The following TOMM20 variants were observed in gnomAD, a reference collection of about 807,000 sequenced individuals.
TOMM20 encodes translocase of outer mitochondrial membrane 20.
A neutral mutation model predicts 22.1 loss-of-function variants in TOMM20; 10 were observed. The ratio of observed to expected loss-of-function variants is 0.45; its 90% CI spans 0.28 to 0.77. The LOEUF (loss-of-function observed/expected upper bound fraction) is 0.77, where lower values mean the gene tolerates loss of function less well. Among genes scored for constraint, TOMM20 ranks in the 30% least tolerant of loss-of-function variants. The pLI, the probability that TOMM20 is intolerant of heterozygous loss-of-function variation, is 0.13. For missense variants in TOMM20, 121 were observed against 172.2 expected (o/e 0.70, Z 1.66); for synonymous variants, 55 against 61.4 (o/e 0.90, Z 0.49).
rs1660715091 is a variant in TOMM20, at chr1:235,110,102, G to C, written c.*1962C>G. 6.6e-6 allele frequency: 1 copy of C among 152,158 alleles called. No homozygotes were observed. The highest frequency in any genetic ancestry group is 2.4e-5 in the African/African-American group (1 of 41,446). 9.4% of individuals were successfully genotyped at this position (152,158 alleles called of 1,614,324 possible). A position where few individuals can be genotyped will look rare whatever the true frequency, so the allele number is the denominator to read the frequency against. On this transcript the variant is annotated 3_prime_UTR_variant, in exon 5 of 5. Transcript: ENST00000366607. ...AATAAGAAAACGTACTTGGGTTAAT[G>C]AACTGTAAAATGAAGATACCAACGC...
rs556856972 is a variant in TOMM20 at position 235,115,559 on chromosome 1, G to A, written c.251-1649C>T. Reference sequence around the variant, plus strand: ...GGAGAATTGCTTGAACCCGGGAGGCGAAGCTTGCAGTGAGCCAAGATCGCA... The same window carrying A: ...GGAGAATTGCTTGAACCCGGGAGGCAAAGCTTGCAGTGAGCCAAGATCGCA... On this transcript the variant is annotated intron_variant, in intron 3 of 4. Transcript: ENST00000366607. Among the ~76,000 whole-genome samples, 5 of 152,202 alleles carry A rather than the reference G, an allele frequency of 3.3e-5. No homozygotes were observed. In the East Asian group the frequency reaches 5.8e-4, roughly 18 times the overall value.
At chr1:235,117,374 C>T (rs956576077) in intron 3 of TOMM20, among the ~76,000 whole-genome samples, 2 of 151,042 alleles carry the variant, frequency 1.3e-5, no homozygotes, top group African/African-American at 4.9e-5. Context: ...AGGAGAATCG[C>T]TTGAACCCGG....
intron 3 of TOMM20, among the ~76,000 whole-genome samples, chr1:235,116,875 C>T (rs1023095491): frequency 6.6e-5 from 10 of 152,114 alleles, no homozygotes; most frequent in Admixed American, 5.9e-4. Flanking sequence ...CTGGCTCAAG[C>T]CTGTAATCCC....
chr1:235,122,105 T>C (rs116682073), intron 2 of TOMM20, among the ~76,000 whole-genome samples: 1,728 of 152,298 alleles, frequency 0.011, 30 homozygotes, highest in African/African-American at 0.036. Context: ...AGTAAGCTGT[T>C]TGTTGTTATG....
intron 1 of TOMM20, among the ~76,000 whole-genome samples, chr1:235,127,577 C>T (rs1283803689): frequency 1.3e-5 from 2 of 152,208 alleles, no homozygotes; most frequent in Non-Finnish European, 2.9e-5. Context: ...ACCACTGTTA[C>T]TTAAGTAAAC....
At chr1:235,123,386 G>T (rs1004558936) in intron 1 of TOMM20, among the ~76,000 whole-genome samples, 11 of 152,194 alleles carry the variant, frequency 7.2e-5, no homozygotes, top group Non-Finnish European at 1.5e-4. Flanking sequence ...TCAGGAGGCT[G>T]AGGCAGGAGA....
chr1:235,114,263 G>A (rs1000069858), intron 3 of TOMM20, among the ~76,000 whole-genome samples: 61 of 152,218 alleles, frequency 4.0e-4, no homozygotes, highest in African/African-American at 1.3e-3. Flanking sequence ...ACTGGGGACT[G>A]GGGTAGAAAG....
intron 1 of TOMM20, among the ~76,000 whole-genome samples, chr1:235,124,333 T>C (rs1660978314): frequency 6.6e-6 from 1 of 152,122 alleles, no homozygotes; most frequent in Non-Finnish European, 1.5e-5. Flanking sequence ...GGCCACAGAG[T>C]GAGACTCCGT....
intron 3 of TOMM20, among the ~76,000 whole-genome samples, chr1:235,116,354 C>T (rs1196825385): frequency 2.6e-5 from 4 of 151,694 alleles, no homozygotes; most frequent in Non-Finnish European, 4.4e-5. Flanking sequence ...TCCTGGCCAA[C>T]ATGGTGAAAC....
chr1:235,113,931 T>C, intron 3 of TOMM20, 21 bp from the exon 4 acceptor site: 2 of 1,550,946 alleles, frequency 1.3e-6, no homozygotes, highest in Non-Finnish European at 1.7e-6. Flanking sequence ...TACATAAAAT[T>C]ACATGTAACC....
intron 3 of TOMM20, among the ~76,000 whole-genome samples, chr1:235,118,339 C>A (rs1394981178): frequency 6.6e-6 from 1 of 152,138 alleles, no homozygotes; most frequent in Non-Finnish European, 1.5e-5. Flanking sequence ...CAGTGTTATG[C>A]GATGCAAGGA....
chr1:235,116,115 T>C (rs1022279349), intron 3 of TOMM20, among the ~76,000 whole-genome samples: 1 of 152,182 alleles, frequency 6.6e-6, no homozygotes, highest in East Asian at 1.9e-4. Flanking sequence ...GTAAAGTAAA[T>C]CTCAGAAATG....
chr1:235,110,971 G>GTT lies in TOMM20; in HGVS notation c.*1091_*1092dup, dbSNP rs1467505182. The GTT allele has an allele frequency of 2.0e-5, 3 of 152,132 alleles. No homozygotes were observed. Among genetic ancestry groups the GTT allele is most frequent in the African/African-American group, 7.2e-5 (3 of 41,414 alleles). 9.4% of individuals were successfully genotyped at this position (152,132 alleles called of 1,614,324 possible). On this transcript the variant is annotated 3_prime_UTR_variant, in exon 5 of 5. Coordinates refer to ENST00000366607, the MANE Select transcript of TOMM20 (RefSeq NM_014765.3). ...CACAAGGTTGCAACTTACTCTCATC[G>GTT]TTTCACAAGATAATCAAGTTGAAGC...
In TOMM20 at chr1:235,109,949, T is replaced by C. The variant is rs1211717035; in HGVS notation, c.*2115A>G. ...GCTGATTACATCACCTTGTAAAACTTAAGATGGGGATGAATAGTGTTTGGC... is the reference window on the plus strand; with the variant it reads ...GCTGATTACATCACCTTGTAAAACTCAAGATGGGGATGAATAGTGTTTGGC... On this transcript the variant is annotated 3_prime_UTR_variant, in exon 5 of 5. Transcript: ENST00000366607. 4 of 152,116 alleles carry C rather than the reference T, an allele frequency of 2.6e-5. No homozygotes were observed. The highest frequency in any genetic ancestry group is 9.7e-5 in the African/African-American group (4 of 41,418). The allele number at this position is 152,116 out of a possible 1,614,324, so 9.4% of individuals were successfully genotyped here.
In TOMM20 at chr1:235,112,618, C is replaced by T. The variant is rs1188139447; in HGVS notation, c.394-510G>A. ...ATTATAGGGCATGAGACACTGTGTA[C>T]AGCCATCATTACATAATATTACATC... is the stretch of plus-strand genomic sequence containing the variant. On this transcript the variant is annotated intron_variant, in intron 4 of 4. Transcript: ENST00000366607. Among the ~76,000 whole-genome samples the T allele has an allele frequency of 3.3e-5, 5 of 152,250 alleles. No homozygotes were observed. The South Asian group carries it at 1.0e-3, about 32-fold the overall frequency.
At chr1:235,128,539 T>G in intron 1 of TOMM20, 56 bp downstream of exon 1, 1 of 1,610,100 alleles carries the variant, frequency 6.2e-7, no homozygotes. Flanking sequence ...ACCCCTCCTG[T>G]GAAGGGCGGC....
intron 3 of TOMM20, among the ~76,000 whole-genome samples, chr1:235,117,382 C>T (rs534817151): frequency 2.7e-5 from 4 of 148,968 alleles, no homozygotes; most frequent in Non-Finnish European, 4.5e-5. Flanking sequence ...CGCTTGAACC[C>T]GGGAGGCAGA....
intron 1 of TOMM20, among the ~76,000 whole-genome samples, chr1:235,126,694 T>C (rs1661028432): frequency 6.6e-6 from 1 of 151,744 alleles, no homozygotes; most frequent in Admixed American, 6.6e-5. Context: ...TCCCAGCTAC[T>C]CAGGAGGCTG....
chr1:235,119,958 C>T, intron 2 of TOMM20, 59 bp from the exon 3 acceptor site: 1 of 1,063,262 alleles, frequency 9.4e-7, no homozygotes, highest in Non-Finnish European at 1.4e-6. Context: ...ATAACCAATA[C>T]ACAGATATCA....
Sources: gnomAD v4.1 joint callset for allele counts (sites outside exome capture counted in the v4.1 genomes callset) on GRCh38, gnomAD v4.1.1 for gene constraint, MANE v1.5 for transcripts, NCBI Gene and HGNC (gene_info 2026-07-23, HGNC 2026-07-21) for gene names.